NKAIN2: variants seen among roughly 807,000 people sequenced by gnomAD.
NKAIN2 encodes the protein sodium/potassium transporting ATPase interacting 2.
Under a neutral mutation model 32.6 loss-of-function variants are expected in NKAIN2, and 14 were observed. The ratio of observed to expected loss-of-function variants is 0.43; its 90% CI spans 0.28 to 0.67. The LOEUF is 0.67. Ranked by LOEUF, NKAIN2 falls within the 30% of genes least tolerant of loss-of-function variation. NKAIN2 has a pLI of 0.17. For synonymous variants in NKAIN2, 80 were observed against 87.2 expected (o/e 0.92, Z 0.46); for missense variants, 198 against 258.3 (o/e 0.77, Z 1.60).
At chr6:124,593,335 A>T (rs908073466) in intron 3 of NKAIN2, among the ~76,000 whole-genome samples, 2 of 152,080 alleles carry the variant, frequency 1.3e-5, no homozygotes, top group African/African-American at 4.8e-5. Flanking sequence ...TTACCTAAAA[A>T]CTTTTTTTAA....
At chr6:124,307,489 G>A (rs905807713) in intron 2 of NKAIN2, among the ~76,000 whole-genome samples, 5 of 152,102 alleles carry the variant, frequency 3.3e-5, no homozygotes, top group African/African-American at 1.2e-4. Flanking sequence ...GGTTTGATGA[G>A]CTCAGGTTGA....
chr6:124,577,547 C>T (rs925938324), intron 3 of NKAIN2, among the ~76,000 whole-genome samples: 7 of 152,222 alleles, frequency 4.6e-5, no homozygotes, highest in Admixed American at 1.3e-4. Context: ...CCTTCCCAGA[C>T]GTCAGAACCT....
intron 1 of NKAIN2, among the ~76,000 whole-genome samples, chr6:123,916,729 T>C (rs1775513231): frequency 1.3e-5 from 2 of 151,254 alleles, no homozygotes; most frequent in Admixed American, 6.6e-5. Context: ...GATGTAGATA[T>C]ATATGTGTGT....
chr6:123,979,645 C>T (rs920217166), intron 1 of NKAIN2, among the ~76,000 whole-genome samples: 62 of 152,120 alleles, frequency 4.1e-4, no homozygotes, highest in African/African-American at 1.5e-3. Flanking sequence ...AAAATAAAAT[C>T]CCATTGCCCA....
At chr6:124,282,298 T>G (rs143526062) in intron 1 of NKAIN2, 2 of 340,068 alleles carry the variant, frequency 5.9e-6, no homozygotes, top group East Asian at 1.1e-4. Flanking sequence ...TGATGCTTGA[T>G]TTTTGTGTTT....
intron 3 of NKAIN2, among the ~76,000 whole-genome samples, chr6:124,574,884 G>A (rs1260605595): frequency 3.3e-5 from 5 of 152,044 alleles, no homozygotes; most frequent in African/African-American, 1.2e-4. Flanking sequence ...TGTTACCATC[G>A]TAAAACATGT....
Position 124,745,574 on chromosome 6 carries a change from T to C in NKAIN2, c.475-45765T>C, listed in dbSNP as rs117599830. On this transcript the variant is annotated intron_variant, in intron 4 of 6. Coordinates refer to ENST00000368417, the MANE Select transcript of NKAIN2 (RefSeq NM_001040214.3). ...AAAAACATTACAGAGGTCCAAGTTA[T>C]TTTACATGGCCTTTCTTTTAAATAT... Among the ~76,000 whole-genome samples, 127 of 152,066 alleles carry C rather than the reference T, an allele frequency of 8.4e-4. 1 individual carries two copies. The East Asian group carries it at 0.023, about 27-fold the overall frequency.
chr6:124,708,016 G>C lies in NKAIN2; in HGVS notation c.474+49630G>C, dbSNP rs1033178398. On this transcript the variant is annotated intron_variant, in intron 4 of 6. Coordinates refer to ENST00000368417, the MANE Select transcript of NKAIN2 (RefSeq NM_001040214.3). ...TTTAATCCATCTTGAATTGATTTTTGTATAAGGTGTAAGGAAGGGATCCAG... is the reference window on the plus strand; with the variant it reads ...TTTAATCCATCTTGAATTGATTTTTCTATAAGGTGTAAGGAAGGGATCCAG... Among the ~76,000 whole-genome samples the C allele has an allele frequency of 1.0e-4, 15 of 147,860 alleles. 1 individual carries two copies. Among genetic ancestry groups the C allele is most frequent in the African/African-American group, 3.3e-4 (13 of 39,870 alleles).
At chr6:124,689,033 A>G (rs1486825094) in intron 4 of NKAIN2, among the ~76,000 whole-genome samples, 2 of 152,130 alleles carry the variant, frequency 1.3e-5, no homozygotes, top group Non-Finnish European at 2.9e-5. Flanking sequence ...GAGTGTATTT[A>G]GTTTTCTAAG....
intron 1 of NKAIN2, among the ~76,000 whole-genome samples, chr6:123,946,386 A>G (rs983604712): frequency 1.3e-5 from 2 of 152,138 alleles, no homozygotes; most frequent in African/African-American, 4.8e-5. Context: ...GGTAAATGTG[A>G]TTTAACTGAA....
chr6:124,048,029 T>C (rs1001680138), intron 1 of NKAIN2, among the ~76,000 whole-genome samples: 4 of 151,992 alleles, frequency 2.6e-5, no homozygotes, highest in Admixed American at 1.3e-4. Context: ...TTATCAATTA[T>C]ATTATTTTAG....
intron 3 of NKAIN2, among the ~76,000 whole-genome samples, chr6:124,420,386 A>G (rs1774693147): frequency 6.6e-6 from 1 of 152,162 alleles, no homozygotes; most frequent in Admixed American, 6.5e-5. Flanking sequence ...AAGTGAAGTG[A>G]AGGTAGGTTA....
intron 1 of NKAIN2, among the ~76,000 whole-genome samples, chr6:123,913,028 A>T (rs1389068444): frequency 6.6e-6 from 1 of 152,194 alleles, no homozygotes; most frequent in Non-Finnish European, 1.5e-5. Context: ...TATTGAATTC[A>T]ATATTATAGT....
chr6:124,487,194 G>A (rs1009522802), intron 3 of NKAIN2, among the ~76,000 whole-genome samples: 10 of 151,966 alleles, frequency 6.6e-5, no homozygotes, highest in Admixed American at 5.9e-4. Flanking sequence ...TAGATGCTGT[G>A]CTTTCAATGA....
intron 1 of NKAIN2, among the ~76,000 whole-genome samples, chr6:123,818,699 T>C (rs1224547440): frequency 6.6e-6 from 1 of 152,192 alleles, no homozygotes; most frequent in Non-Finnish European, 1.5e-5. Context: ...TGAAGGTCCT[T>C]TTAACTTGAT....
chr6:124,058,385 T>G (rs536182740), intron 1 of NKAIN2, among the ~76,000 whole-genome samples: 14 of 152,194 alleles, frequency 9.2e-5, no homozygotes, highest in African/African-American at 3.4e-4. Context: ...AGAGTGAAAG[T>G]ATATTGTGAG....
chr6:124,299,681 A>T (rs1391673609), intron 2 of NKAIN2, among the ~76,000 whole-genome samples: 1 of 152,186 alleles, frequency 6.6e-6, no homozygotes, highest in Non-Finnish European at 1.5e-5. Flanking sequence ...TGAAGTATAC[A>T]TTACCCCTTC....
At chr6:124,500,294 G>A (rs529448976) in intron 3 of NKAIN2, among the ~76,000 whole-genome samples, 1 of 152,158 alleles carries the variant, frequency 6.6e-6, no homozygotes, top group South Asian at 2.1e-4. Flanking sequence ...TGTCCACATT[G>A]CACTAAGAAC....
chr6:124,398,252 C>CAAAAAAAAA lies in NKAIN2; in HGVS notation c.273+42927_273+42935dup, dbSNP rs869039720. Among the ~76,000 whole-genome samples, 227 of 69,038 alleles carry CAAAAAAAAA rather than the reference C, an allele frequency of 3.3e-3. 3 individuals are homozygous for CAAAAAAAAA. Among genetic ancestry groups the CAAAAAAAAA allele is most frequent in the Non-Finnish European group, 4.8e-3 (191 of 39,390 alleles). The allele number at this position is 69,038 out of a possible 152,430, so 45.3% of individuals were successfully genotyped here. On this transcript the variant is annotated intron_variant, in intron 3 of 6. Transcript: ENST00000368417. ...TGGGTGACAGAGAGAGACTGCATCTCAAAAAAAAAAAAAAAAAAAAAAAAA... is the reference window on the plus strand; with the variant it reads ...TGGGTGACAGAGAGAGACTGCATCTCAAAAAAAAAAAAAAAAAAAAAAAAAAAAAAAAAA...
Sources: gnomAD v4.1 joint callset for allele counts (sites outside exome capture counted in the v4.1 genomes callset) on GRCh38, gnomAD v4.1.1 for gene constraint, MANE v1.5 for transcripts, NCBI Gene and HGNC (gene_info 2026-07-23, HGNC 2026-07-21) for gene names.